ANKRD6: variants seen among roughly 807,000 people sequenced by gnomAD.
ANKRD6 encodes ankyrin repeat domain-containing protein 6.
ANKRD6 carries 56 observed loss-of-function variants against 82.3 expected under a neutral mutation model. The observed-to-expected ratio is 0.68, with a 90% CI of 0.55 to 0.85. The LOEUF is 0.85. Ranked by LOEUF, ANKRD6 falls within the 40% of genes least tolerant of loss-of-function variation. The probability of loss-of-function intolerance (pLI) is 0.00; values close to 1 mark genes in which losing one functional copy is unlikely to be tolerated. For missense variants in ANKRD6, 852 were observed against 907.6 expected (o/e 0.94, Z 0.79); for synonymous variants, 347 against 352.1 (o/e 0.99, Z 0.16).
intron 1 of ANKRD6, among the ~76,000 whole-genome samples, chr6:89,447,854 A>ATTT (rs530068070): frequency 0.022 from 2,598 of 119,020 alleles, 186 homozygotes; most frequent in African/African-American, 0.063. Flanking sequence ...CGCCCAGCTA[A>ATTT]TTTTTTTTTT....
chr6:89,502,297 A>G (rs186503241), intron 1 of ANKRD6, among the ~76,000 whole-genome samples: 3 of 151,944 alleles, frequency 2.0e-5, no homozygotes, highest in African/African-American at 4.9e-5. Context: ...AATAAAAATA[A>G]CTTAACCATA....
intron 1 of ANKRD6, among the ~76,000 whole-genome samples, chr6:89,494,799 C>G (rs192264210): frequency 4.6e-5 from 7 of 152,198 alleles, no homozygotes; most frequent in Middle Eastern, 3.4e-3. Context: ...TTGGATTCAA[C>G]CTATAGGAAA....
At chr6:89,613,315 C>T (rs181674281) in intron 6 of ANKRD6, among the ~76,000 whole-genome samples, 72 of 152,202 alleles carry the variant, frequency 4.7e-4, no homozygotes, top group Non-Finnish European at 5.4e-4. Flanking sequence ...TCAGGGGGTA[C>T]GTGTAATCTT....
intron 1 of ANKRD6, among the ~76,000 whole-genome samples, chr6:89,517,295 T>G (rs1372834666): frequency 6.6e-6 from 1 of 152,256 alleles, no homozygotes; most frequent in African/African-American, 2.4e-5. Flanking sequence ...TTTAATAATT[T>G]TATTGCATTG....
intron 1 of ANKRD6, among the ~76,000 whole-genome samples, chr6:89,455,778 G>C (rs1046892665): frequency 1.4e-4 from 22 of 152,256 alleles, no homozygotes; most frequent in Admixed American, 1.2e-3. Context: ...CTCCCCAGAA[G>C]CTGATATTGC....
chr6:89,572,443 T>C (rs1159681499), intron 2 of ANKRD6, among the ~76,000 whole-genome samples: 1 of 152,256 alleles, frequency 6.6e-6, no homozygotes, highest in Admixed American at 6.5e-5. Context: ...TTGACCATTC[T>C]AGTAGCTTTA....
chr6:89,614,019 C>T (rs1032787234), intron 7 of ANKRD6, 129 bp downstream of exon 7: 2 of 867,290 alleles, frequency 2.3e-6, no homozygotes, highest in South Asian at 1.8e-5. Flanking sequence ...ACTCAGCCAG[C>T]AGTGGGCTTT....
At chr6:89,536,903 T>C (rs1783904384) in intron 1 of ANKRD6, among the ~76,000 whole-genome samples, 3 of 152,184 alleles carry the variant, frequency 2.0e-5, no homozygotes, top group African/African-American at 7.2e-5. Context: ...AAATAAGCAA[T>C]AGGAAAAAAC....
intron 15 of ANKRD6, 197 bp downstream of exon 15, chr6:89,629,435 A>G (rs1005022241): frequency 5.6e-6 from 4 of 709,012 alleles, no homozygotes; most frequent in African/African-American, 5.3e-5. Flanking sequence ...GCACTCATTT[A>G]TGTGCTCAAA....
At chr6:89,455,204 C>G (rs1773358247) in intron 1 of ANKRD6, among the ~76,000 whole-genome samples, 1 of 150,840 alleles carries the variant, frequency 6.6e-6, no homozygotes, top group African/African-American at 2.4e-5. Flanking sequence ...GCCATTCTTG[C>G]ATTGCTATAC....
chr6:89,566,272 G>C (rs949068851), intron 1 of ANKRD6, among the ~76,000 whole-genome samples: 1 of 152,260 alleles, frequency 6.6e-6, no homozygotes, highest in Non-Finnish European at 1.5e-5. Context: ...ATCTGTTCCA[G>C]AACTCGTGAA....
chr6:89,479,871 TAATC>T (rs1424529748), intron 1 of ANKRD6, among the ~76,000 whole-genome samples: 3 of 152,196 alleles, frequency 2.0e-5, no homozygotes, highest in Non-Finnish European at 2.9e-5. Flanking sequence ...TTCTCAGTAA[TAATC>T]AAGTGAAATT....
At chr6:89,469,062 C>T (rs2127784039) in intron 1 of ANKRD6, among the ~76,000 whole-genome samples, 1 of 152,250 alleles carries the variant, frequency 6.6e-6, no homozygotes, top group African/African-American at 2.4e-5. Context: ...CTATACCCAG[C>T]TCAAAAGTAA....
chr6:89,564,382 A>G (rs559809456), intron 1 of ANKRD6, among the ~76,000 whole-genome samples: 1 of 152,196 alleles, frequency 6.6e-6, no homozygotes, highest in Non-Finnish European at 1.5e-5. Flanking sequence ...GTATTTTTCT[A>G]TCTTTAACCA....
In ANKRD6 at chr6:89,622,030, G is replaced by C; in HGVS notation, c.897+4G>C. ...AGATGAGGTGGCCCAAAGCAAGGTGGGGGGCAGTCCTCCCGCCGTCCCCAC... is the reference window on the plus strand; with the variant it reads ...AGATGAGGTGGCCCAAAGCAAGGTGCGGGGCAGTCCTCCCGCCGTCCCCAC... On this transcript the variant is annotated splice_donor_region_variant and intron_variant, in intron 10 of 15. Transcript: ENST00000339746. 6.2e-7 allele frequency: 1 copy of C among 1,611,582 alleles called. No homozygotes were observed. Among genetic ancestry groups the C allele is most frequent in the Non-Finnish European group, 8.5e-7 (1 of 1,179,484 alleles).
At chr6:89,457,564 T>C (rs1366733789) in intron 1 of ANKRD6, among the ~76,000 whole-genome samples, 1 of 152,210 alleles carries the variant, frequency 6.6e-6, no homozygotes. Context: ...CAAAAACCAT[T>C]ATACTAATCC....
At chr6:89,556,028 ACT>A (rs1467940847) in intron 1 of ANKRD6, among the ~76,000 whole-genome samples, 2 of 152,166 alleles carry the variant, frequency 1.3e-5, no homozygotes, top group African/African-American at 2.4e-5. Flanking sequence ...TACATAAAAC[ACT>A]CTGACAAGAG....
In ANKRD6 at chr6:89,629,190, A is replaced by T. The variant is rs751848946; in HGVS notation, c.1564A>T (p.Arg522Trp). ...NLEQKLSGDS[R>W]ACRAKSTPST... ...GGAGCAGAAGCTTTCTGGAGATTCT[A>T]GGGCCTGCAGAGCTAAATCCACACC... The change falls in exon 15 of 16, where the codon AGG becomes TGG. Residue 522 changes from arginine (R) to tryptophan (W), a missense_variant. Physicochemically the swap from Arg to Trp is moderately radical, Grantham distance 101. Coordinates refer to ENST00000339746, the MANE Select transcript of ANKRD6 (RefSeq NM_001242809.2). 1 of 1,613,850 alleles carries T rather than the reference A, an allele frequency of 6.2e-7. No homozygotes were observed. The highest frequency in any genetic ancestry group is 8.5e-7 in the Non-Finnish European group (1 of 1,179,860).
In ANKRD6 at chr6:89,627,608, T is replaced by A. The variant is rs759454490; in HGVS notation, c.1397T>A (p.Val466Asp). 1.2e-6 allele frequency: 2 copies of A among 1,613,818 alleles called. No individual in the cohort carries two copies. Among genetic ancestry groups the A allele is most frequent in the Non-Finnish European group, 1.7e-6 (2 of 1,179,774 alleles). The part of the protein sequence containing the change: ...HQMRVLDKLM[V>D]ERLSAERTEC... The stretch of plus-strand genomic sequence containing the variant: ...ATGCGTGTTTTGGACAAGCTGATGG[T>A]TGAGCGACTTTCTGCAGAGAGGACG... The change falls in exon 14 of 16, where the codon GTT becomes GAT. Residue 466 changes from valine (V) to aspartate (D), a missense_variant. Val to Asp is a radical substitution (Grantham distance 152). Transcript: ENST00000339746.
Sources: gnomAD v4.1 joint callset for allele counts (sites outside exome capture counted in the v4.1 genomes callset) on GRCh38, gnomAD v4.1.1 for gene constraint, MANE v1.5 for transcripts, NCBI Gene and HGNC (gene_info 2026-07-23, HGNC 2026-07-21) for gene names.